GRM7: variants seen among roughly 807,000 people sequenced by gnomAD.
GRM7 encodes the protein metabotropic glutamate receptor 7.
A neutral mutation model predicts 84.5 loss-of-function variants in GRM7; 35 were observed. The ratio of observed to expected loss-of-function variants is 0.41; its 90% confidence interval spans 0.32 to 0.55. The LOEUF is 0.55. GRM7 is among the 20% of genes least tolerant of loss of function. The probability of loss-of-function intolerance (pLI) is 0.19; values close to 1 mark genes in which losing one functional copy is unlikely to be tolerated. For synonymous variants in GRM7, 487 were observed against 455.1 expected, an observed-to-expected ratio of 1.07 and a Z score of -0.89; for missense variants, 1,003 against 1,194.6, an observed-to-expected ratio of 0.84 and a Z score of 2.36.
intron 1 of GRM7, among the ~76,000 whole-genome samples, chr3:6,940,498 G>A (rs1279859104): frequency 6.6e-6 from 1 of 152,110 alleles, no homozygotes; most frequent in Non-Finnish European, 1.5e-5. Flanking sequence ...TGCTTCAATA[G>A]TGCTATTTTC....
intron 2 of GRM7, among the ~76,000 whole-genome samples, chr3:7,269,375 G>A (rs910493309): frequency 6.6e-6 from 1 of 152,144 alleles, no homozygotes; most frequent in African/African-American, 2.4e-5. Context: ...TCCAAACTGA[G>A]TGGTGCTCAA....
At chr3:7,719,779 AACACACACACACACACACACACACAC>A (rs71043692) in intron 9 of GRM7, among the ~76,000 whole-genome samples, 71 of 133,542 alleles carry the variant, frequency 5.3e-4, no homozygotes, top group Non-Finnish European at 9.8e-4. Flanking sequence ...ACCACTGGGC[AACACACACACACACACACACACACAC>A]ACACACACAC....
intron 9 of GRM7, among the ~76,000 whole-genome samples, chr3:7,696,429 C>T (rs1161223809): frequency 6.6e-6 from 1 of 152,080 alleles, no homozygotes; most frequent in Non-Finnish European, 1.5e-5. Flanking sequence ...ATAATGACTA[C>T]AGTAAGGCCC....
At chr3:7,378,753 ACC>A (rs1694462313) in intron 4 of GRM7, among the ~76,000 whole-genome samples, 1 of 152,034 alleles carries the variant, frequency 6.6e-6, no homozygotes, top group Admixed American at 6.6e-5. Context: ...TATTATGAAG[ACC>A]CCCATGTCTA....
chr3:7,431,096 C>T (rs1008701347), intron 5 of GRM7, among the ~76,000 whole-genome samples: 1 of 152,062 alleles, frequency 6.6e-6, no homozygotes, highest in Admixed American at 6.6e-5. Context: ...ACATCTTCAG[C>T]CGGCACTCAT....
At chr3:7,205,009 C>T (rs1336892842) in intron 2 of GRM7, among the ~76,000 whole-genome samples, 1 of 152,128 alleles carries the variant, frequency 6.6e-6, no homozygotes, top group African/African-American at 2.4e-5. Flanking sequence ...TGAATATTAT[C>T]TCTAAAAATA....
intron 8 of GRM7, among the ~76,000 whole-genome samples, chr3:7,657,054 TGAGTGCCAAGA>T (rs977172106): frequency 6.6e-6 from 1 of 152,078 alleles, no homozygotes; most frequent in African/African-American, 2.4e-5. Context: ...AACTAGAAAA[TGAGTGCCAAGA>T]GAATGGCAAG....
At chr3:6,969,726 A>T (rs1044431009) in intron 1 of GRM7, among the ~76,000 whole-genome samples, 1 of 152,192 alleles carries the variant, frequency 6.6e-6, no homozygotes, top group African/African-American at 2.4e-5. Flanking sequence ...TCCTTCTCTT[A>T]GGAAGTTAAC....
intron 4 of GRM7, among the ~76,000 whole-genome samples, chr3:7,390,978 A>G (rs1394803749): frequency 6.6e-6 from 1 of 151,658 alleles, no homozygotes; most frequent in East Asian, 1.9e-4. Flanking sequence ...GAGTGAGCTG[A>G]CACTTTTTGT....
At chr3:6,952,053 C>T (rs1281482645) in intron 1 of GRM7, among the ~76,000 whole-genome samples, 1 of 152,040 alleles carries the variant, frequency 6.6e-6, no homozygotes, top group Non-Finnish European at 1.5e-5. Flanking sequence ...GTAAGGTTTA[C>T]ATCTATCATC....
intron 1 of GRM7, among the ~76,000 whole-genome samples, chr3:7,094,402 T>G (rs1698780569): frequency 6.6e-6 from 1 of 152,180 alleles, no homozygotes; most frequent in Non-Finnish European, 1.5e-5. Context: ...TTTAGAAGAA[T>G]GAGGCCGGAA....
At chr3:7,253,601 G>A (rs778708145) in intron 2 of GRM7, among the ~76,000 whole-genome samples, 4 of 118,730 alleles carry the variant, frequency 3.4e-5, no homozygotes, top group Admixed American at 3.1e-4. Flanking sequence ...CAGGCAACAA[G>A]AGTGAAACTC....
At chr3:7,668,254 T>C (rs1699781023) in intron 8 of GRM7, among the ~76,000 whole-genome samples, 1 of 152,208 alleles carries the variant, frequency 6.6e-6, no homozygotes, top group African/African-American at 2.4e-5. Context: ...TTTGCCTTTC[T>C]GTTTTCTGTG....
rs534456357 is a variant in GRM7 at position 7,603,564 on chromosome 3, G to A, written c.2451+24207G>A. On this transcript the variant is annotated intron_variant, in intron 8 of 9. Coordinates refer to ENST00000357716, the MANE Select transcript of GRM7 (RefSeq NM_000844.4). ...TTCCAGAACAGCAGCTCACAGAGTT[G>A]GTGACTTATATTTATCTCTATAACA... Among the ~76,000 whole-genome samples the A allele has an allele frequency of 3.9e-5, 6 of 152,152 alleles. No homozygotes were observed. In the Middle Eastern group the frequency reaches 0.014, roughly 345 times the overall value.
At chr3:7,573,925 G>A (rs538975150) in intron 7 of GRM7, among the ~76,000 whole-genome samples, 39 of 152,186 alleles carry the variant, frequency 2.6e-4, no homozygotes, top group Non-Finnish European at 1.3e-4. Flanking sequence ...TAGATAGAAT[G>A]CGTGACTGCA....
chr3:7,018,102 A>T (rs1331881956), intron 1 of GRM7, among the ~76,000 whole-genome samples: 1 of 152,232 alleles, frequency 6.6e-6, no homozygotes, highest in East Asian at 1.9e-4. Flanking sequence ...ATACCAAGAA[A>T]CAGGTGAAAT....
intron 5 of GRM7, among the ~76,000 whole-genome samples, chr3:7,437,955 G>A (rs1039673162): frequency 6.6e-6 from 1 of 151,742 alleles, no homozygotes; most frequent in African/African-American, 2.4e-5. Flanking sequence ...ATTAGAATAT[G>A]CTTGAAATTT....
chr3:7,139,997 A>G (rs1201178567), intron 1 of GRM7, among the ~76,000 whole-genome samples: 1 of 152,078 alleles, frequency 6.6e-6, no homozygotes, highest in Non-Finnish European at 1.5e-5. Flanking sequence ...AAAAATGGGG[A>G]AAAGATCTGA....
At chr3:7,161,506 C>T (rs917516503) in intron 2 of GRM7, among the ~76,000 whole-genome samples, 1 of 151,050 alleles carries the variant, frequency 6.6e-6, no homozygotes, top group Non-Finnish European at 1.5e-5. Context: ...GGAATAAAAC[C>T]AGTTCCTTCC....
Sources: gnomAD v4.1 joint callset for allele counts (sites outside exome capture counted in the v4.1 genomes callset) on GRCh38, gnomAD v4.1.1 for gene constraint, MANE v1.5 for transcripts, NCBI Gene and HGNC (gene_info 2026-07-23, HGNC 2026-07-21) for gene names.